The following DMD variants were observed in gnomAD, a reference collection of about 807,000 sequenced individuals.
DMD encodes the protein dystrophin, also known as mutant dystrophin.
Under a neutral mutation model 330.1 loss-of-function variants are expected in DMD, and 63 were observed. That is an observed-to-expected ratio of 0.19 (90% CI 0.16 to 0.24). The LOEUF (loss-of-function observed/expected upper bound fraction) is 0.24, where lower values mean the gene tolerates loss of function less well. DMD is among the 10% of genes least tolerant of loss of function. The pLI is 1.00. For synonymous variants in DMD, 1,223 were observed against 959.8 expected, an observed-to-expected ratio of 1.27 and a Z score of -5.07; for missense variants, 3,344 against 2,684.1, an observed-to-expected ratio of 1.25 and a Z score of -5.43.
intron 5 of DMD, among the ~76,000 whole-genome samples, chrX:32,818,159 T>G (rs1181253593): frequency 8.9e-6 from 1 of 112,146 alleles, no homozygotes; most frequent in Non-Finnish European, 1.9e-5. Flanking sequence ...AGATAGTGGC[T>G]TAATGGTGGT....
At chrX:31,818,261 A>C (rs2092680275) in intron 50 of DMD, among the ~76,000 whole-genome samples, 1 of 112,213 alleles carries the variant, frequency 8.9e-6, no homozygotes, top group Admixed American at 9.5e-5. Flanking sequence ...TATATGTTTT[A>C]TGAAAGGAGA....
chrX:33,260,278 T>C (rs1462226777), intron 1 of DMD, among the ~76,000 whole-genome samples: 2 of 111,366 alleles, frequency 1.8e-5, no homozygotes, highest in Non-Finnish European at 3.8e-5. Flanking sequence ...AACAGGTAAA[T>C]ATTTTTAAGT....
chrX:32,479,544 T>A (rs2041608840), intron 21 of DMD, among the ~76,000 whole-genome samples: 1 of 110,552 alleles, frequency 9.0e-6, no homozygotes, highest in Non-Finnish European at 1.9e-5. Context: ...TTTGTCTTTC[T>A]TTGCCTGGCT....
intron 5 of DMD, among the ~76,000 whole-genome samples, chrX:32,817,040 T>C (rs1188265853): frequency 9.0e-6 from 1 of 111,377 alleles, no homozygotes; most frequent in African/African-American, 3.3e-5. Context: ...TATAGATAAT[T>C]GTTTTTTAAA....
intron 74 of DMD, among the ~76,000 whole-genome samples, chrX:31,152,277 C>A (rs760745779): frequency 3.7e-5 from 4 of 108,548 alleles, no homozygotes; most frequent in African/African-American, 1.0e-4. Context: ...GACTCTCCTG[C>A]CTCAGCCTCC....
intron 1 of DMD, among the ~76,000 whole-genome samples, chrX:33,157,217 C>G (rs2048547118): frequency 9.0e-6 from 1 of 111,294 alleles, no homozygotes; most frequent in South Asian, 3.8e-4. Flanking sequence ...ACTGAATACT[C>G]TAGGAGAGAG....
At chrX:33,213,004 C>T (rs2051976582), upstream of DMD, among the ~76,000 whole-genome samples, 1 of 111,080 alleles carries the variant, frequency 9.0e-6, no homozygotes, top group South Asian at 3.8e-4. Context: ...AACATAAACC[C>T]TTGTTTAGGC....
chrX:33,036,206 T>A (rs1375973106), intron 1 of DMD, among the ~76,000 whole-genome samples: 1 of 111,693 alleles, frequency 9.0e-6, no homozygotes, highest in African/African-American at 3.2e-5. Context: ...AATTTATAAA[T>A]TAAATTTATG....
At chrX:31,679,724 G>T in intron 52 of DMD, 138 bp from the exon 53 acceptor site, 1 of 533,159 alleles carries the variant, frequency 1.9e-6, no homozygotes, top group Non-Finnish European at 3.0e-6. Flanking sequence ...CTAGGATGAT[G>T]AACAACAGGA....
chrX:31,507,880 G>A (rs2071109191), intron 55 of DMD, among the ~76,000 whole-genome samples: 1 of 111,695 alleles, frequency 9.0e-6, no homozygotes, highest in South Asian at 3.7e-4. Flanking sequence ...GTAGTAATCT[G>A]TAGAGTTAAC....
intron 7 of DMD, among the ~76,000 whole-genome samples, chrX:32,703,430 G>A (rs187631159): frequency 9.0e-6 from 1 of 111,381 alleles, no homozygotes; most frequent in Non-Finnish European, 1.9e-5. Context: ...GAGACCATTT[G>A]TATACTATTA....
rs1351878690 is a variant in DMD at position 32,517,289 on chromosome X, C to T, written c.2292+719G>A. ...TTAGAAATTATTTTACAAACTGTTG[C>T]CAATCATATACAAAGATGCATGTTT... is the stretch of plus-strand genomic sequence containing the variant. On this transcript the variant is annotated intron_variant, in intron 18 of 78. Coordinates refer to ENST00000357033, the MANE Select transcript of DMD (RefSeq NM_004006.3). 4 of 111,844 alleles carry T rather than the reference C, an allele frequency of 3.6e-5. No individual in the cohort carries two copies. In the East Asian group the frequency reaches 1.1e-3, roughly 31 times the overall value. 9.2% of individuals were successfully genotyped at this position (111,844 alleles called of 1,213,427 possible). A position where few individuals can be genotyped will look rare whatever the true frequency, so the allele number is the denominator to read the frequency against.
intron 55 of DMD, among the ~76,000 whole-genome samples, chrX:31,598,678 G>A (rs1164759669): frequency 9.0e-6 from 1 of 111,717 alleles, no homozygotes; most frequent in African/African-American, 3.3e-5. Context: ...TAAACAAATT[G>A]TTCTCAGGAG....
intron 1 of DMD, among the ~76,000 whole-genome samples, chrX:33,237,094 A>G (rs1377970283): frequency 9.1e-6 from 1 of 110,302 alleles, no homozygotes; most frequent in Non-Finnish European, 1.9e-5. Context: ...ACAATATAAA[A>G]CCATTTCTGA....
intron 59 of DMD, among the ~76,000 whole-genome samples, chrX:31,450,995 G>GA (rs886359352): frequency 9.0e-6 from 1 of 110,985 alleles, no homozygotes; most frequent in Non-Finnish European, 1.9e-5. Flanking sequence ...CCCAGTGAAC[G>GA]AATCTGACTG....
chrX:31,838,655 A>C (rs2093255322), intron 48 of DMD, among the ~76,000 whole-genome samples: 1 of 111,899 alleles, frequency 8.9e-6, no homozygotes, highest in Non-Finnish European at 1.9e-5. Flanking sequence ...ATAGCTGTAG[A>C]CTATATTATT....
intron 44 of DMD, among the ~76,000 whole-genome samples, chrX:32,085,398 T>A (rs1045415395): frequency 1.8e-5 from 2 of 109,308 alleles, no homozygotes; most frequent in Non-Finnish European, 1.9e-5. Context: ...TCACCCAAAT[T>A]ATGTACATTG....
intron 44 of DMD, among the ~76,000 whole-genome samples, chrX:32,090,930 G>A (rs898150720): frequency 3.6e-5 from 4 of 111,316 alleles, no homozygotes; most frequent in East Asian, 2.8e-4. Flanking sequence ...TTTCAGCAAC[G>A]GATATTGCAA....
chrX:31,764,128 T>G (rs1345892724), intron 51 of DMD, among the ~76,000 whole-genome samples: 1 of 111,476 alleles, frequency 9.0e-6, no homozygotes, highest in Non-Finnish European at 1.9e-5. Context: ...GGATCCTCCA[T>G]CCTGGCACTG....
Sources: allele counts gnomAD v4.1 joint callset (sites outside exome capture counted in the v4.1 genomes callset), GRCh38; gene constraint gnomAD v4.1.1; transcripts MANE v1.5; gene names NCBI Gene and HGNC (gene_info 2026-07-23, HGNC 2026-07-21).